The following MYO3B variants were observed in gnomAD, a reference collection of about 807,000 sequenced individuals.
MYO3B encodes myosin IIIB, also known as myosin-IIIb.
Under a neutral mutation model 174.6 loss-of-function variants are expected in MYO3B, and 156 were observed. The observed-to-expected ratio is 0.89, with a 90% confidence interval of 0.78 to 1.02. The LOEUF is 1.02. Among genes scored for constraint, MYO3B ranks in the 50% least tolerant of loss-of-function variants. The pLI is 0.00. For synonymous variants in MYO3B, 563 were observed against 569.1 expected (o/e 0.99, Z 0.15); for missense variants, 1,632 against 1,639.4 (o/e 1.00, Z 0.08).
chr2:170,199,219 A>G lies in MYO3B; in HGVS notation c.14A>G (p.Tyr5Cys). 2 of 1,610,640 alleles carry G rather than the reference A, an allele frequency of 1.2e-6. No individual in the cohort carries two copies. The highest frequency in any genetic ancestry group is 1.1e-5 in the South Asian group (1 of 90,440). ...TTTCCCCCAACCAGGAAACATCTGT[A>G]TGGATTATTTCACTATAATCCTATG... MKHL[Y>C]GLFHYNPMML... Residue 5 changes from tyrosine to cysteine, a missense_variant, in exon 2 of 35, where the codon TAT becomes TGT. Tyr to Cys is a radical substitution (Grantham distance 194). Transcript: ENST00000408978.
intron 32 of MYO3B, chr2:170,601,972 T>C: frequency 1.2e-6 from 1 of 857,678 alleles, no homozygotes; most frequent in Non-Finnish European, 2.0e-6. Context: ...GAACTTCTTT[T>C]TTGTCTCCCC....
At chr2:170,587,559 G>C (rs1249701588) in intron 32 of MYO3B, among the ~76,000 whole-genome samples, 1 of 152,204 alleles carries the variant, frequency 6.6e-6, no homozygotes, top group African/African-American at 2.4e-5. Context: ...CAAAGTGATG[G>C]AAGTTGTTAA....
At chr2:170,292,585 A>T (rs2093602884) in intron 7 of MYO3B, among the ~76,000 whole-genome samples, 1 of 151,870 alleles carries the variant, frequency 6.6e-6, no homozygotes, top group Non-Finnish European at 1.5e-5. Context: ...TATCTTTATC[A>T]CAAGGTTGCG....
chr2:170,298,263 C>G (rs913944784), intron 7 of MYO3B, among the ~76,000 whole-genome samples: 1 of 152,000 alleles, frequency 6.6e-6, no homozygotes, highest in Non-Finnish European at 1.5e-5. Context: ...GAGGAGAGAG[C>G]CCTCCCTAGA....
chr2:170,382,212 A>C, intron 10 of MYO3B, 100 bp downstream of exon 10: 1 of 947,940 alleles, frequency 1.1e-6, no homozygotes, highest in Admixed American at 1.9e-5. Flanking sequence ...GGTCATTTGA[A>C]AATTTAATTG....
At chr2:170,294,698 G>A (rs887110171) in intron 7 of MYO3B, among the ~76,000 whole-genome samples, 1 of 152,128 alleles carries the variant, frequency 6.6e-6, no homozygotes, top group Non-Finnish European at 1.5e-5. Context: ...TACCCTGTAT[G>A]ATACTATAGT....
chr2:170,499,939 C>T (rs1348617692), intron 27 of MYO3B, 131 bp downstream of exon 27: 1 of 679,222 alleles, frequency 1.5e-6, no homozygotes, highest in Non-Finnish European at 2.4e-6. Context: ...CCCTCCCTTC[C>T]TTCCTTCCTT....
chr2:170,237,868 T>C (rs2093088990), intron 7 of MYO3B, among the ~76,000 whole-genome samples: 1 of 152,202 alleles, frequency 6.6e-6, no homozygotes, highest in Non-Finnish European at 1.5e-5. Context: ...ATGAATCAGA[T>C]TGAACTAGGC....
chr2:170,412,973 T>C (rs193179648), intron 22 of MYO3B, among the ~76,000 whole-genome samples: 134 of 152,296 alleles, frequency 8.8e-4, no homozygotes, highest in African/African-American at 3.2e-3. Flanking sequence ...TGAGAATCTG[T>C]CTAGATATGG....
At position 170,374,737 on chromosome 2, in the gene MYO3B, C is replaced by CTA. The variant is rs1467443072; in HGVS notation, c.971+5372_971+5373dup. 2.2e-5 allele frequency among the ~76,000 whole-genome samples: 3 copies of CTA among 136,778 alleles called. No individual in the cohort carries two copies. In the Admixed American group the frequency reaches 2.2e-4, roughly 10 times the overall value. 89.7% of individuals were successfully genotyped at this position (136,778 alleles called of 152,430 possible). On this transcript the variant is annotated intron_variant, in intron 9 of 34. Coordinates refer to ENST00000408978, the MANE Select transcript of MYO3B (RefSeq NM_138995.5). ...GTGATTCATCCCTATTTCACTCTCT[C>CTA]TATATATATATATGCATACATACAC...
chr2:170,440,643 C>T (rs180781082), intron 22 of MYO3B, among the ~76,000 whole-genome samples: 123 of 151,612 alleles, frequency 8.1e-4, no homozygotes, highest in African/African-American at 2.9e-3. Context: ...ATCCCAGCTA[C>T]TCAGGAGGCT....
chr2:170,452,220 AT>A (rs1257446666), intron 23 of MYO3B, among the ~76,000 whole-genome samples: 2 of 152,100 alleles, frequency 1.3e-5, no homozygotes, highest in African/African-American at 4.8e-5. Flanking sequence ...TTCAGGTAAC[AT>A]AACGTAAAAC....
intron 32 of MYO3B, among the ~76,000 whole-genome samples, chr2:170,569,634 G>A (rs574817998): frequency 6.6e-6 from 1 of 151,664 alleles, no homozygotes; most frequent in East Asian, 1.9e-4. Flanking sequence ...GGCCAAGATG[G>A]GCAGATCACT....
intron 32 of MYO3B, among the ~76,000 whole-genome samples, chr2:170,589,254 T>C (rs1006993188): frequency 1.6e-4 from 25 of 152,296 alleles, no homozygotes; most frequent in African/African-American, 5.8e-4. Flanking sequence ...CGTGGTGTAT[T>C]ATCTGCTTAC....
At chr2:170,530,960 T>A (rs1689315571) in intron 30 of MYO3B, among the ~76,000 whole-genome samples, 1 of 152,314 alleles carries the variant, frequency 6.6e-6, no homozygotes, top group African/African-American at 2.4e-5. Flanking sequence ...ATTTCTCTGC[T>A]CTACTGTTCC....
chr2:170,534,071 T>A (rs1218330375), intron 30 of MYO3B, among the ~76,000 whole-genome samples: 1 of 152,262 alleles, frequency 6.6e-6, no homozygotes. Flanking sequence ...CAAACATACC[T>A]TGTTTTATTC....
chr2:170,366,585 G>A (rs889121454), intron 8 of MYO3B, among the ~76,000 whole-genome samples: 9 of 152,116 alleles, frequency 5.9e-5, no homozygotes, highest in African/African-American at 1.4e-4. Context: ...GAGCCACCAC[G>A]CCTGGCCAAC....
At chr2:170,577,040 A>G (rs762685977) in intron 32 of MYO3B, among the ~76,000 whole-genome samples, 9 of 152,188 alleles carry the variant, frequency 5.9e-5, no homozygotes, top group Admixed American at 2.0e-4. Context: ...TTCTTTGCCT[A>G]TTGGTTCAGT....
chr2:170,379,873 A>G (rs1321052477), intron 9 of MYO3B, among the ~76,000 whole-genome samples: 4 of 152,224 alleles, frequency 2.6e-5, no homozygotes, highest in Non-Finnish European at 2.9e-5. Context: ...TTTATCAGTG[A>G]TGGAGATTGA....
Sources: allele counts gnomAD v4.1 joint callset (sites outside exome capture counted in the v4.1 genomes callset), GRCh38; gene constraint gnomAD v4.1.1; transcripts MANE v1.5; gene names NCBI Gene and HGNC (gene_info 2026-07-23, HGNC 2026-07-21).